The following CDKN2D variants were observed in gnomAD, a reference collection of about 807,000 sequenced individuals.
The protein encoded by CDKN2D is cyclin dependent kinase inhibitor 2D, also known as cyclin-dependent kinase 4 inhibitor D.
A neutral mutation model predicts 4.7 loss-of-function variants in CDKN2D; 3 were observed. The ratio of observed to expected loss-of-function variants is 0.64; its 90% CI spans 0.29 to 1.66. The LOEUF is 1.66. Ranked by LOEUF, CDKN2D falls within the 40% of genes most tolerant of loss-of-function variation. The pLI is 0.10. For synonymous variants in CDKN2D, 91 were observed against 102.3 expected, an observed-to-expected ratio of 0.89 and a Z score of 0.67; for missense variants, 196 against 230.9, an observed-to-expected ratio of 0.85 and a Z score of 0.98.
At position 10,566,506 on chromosome 19, in the gene CDKN2D, A is replaced by C. The variant is rs538558510; in HGVS notation, c.*552T>G. 4.4e-6 allele frequency: 1 copy of C among 226,848 alleles called. No homozygotes were observed. Among genetic ancestry groups the C allele is most frequent in the Non-Finnish European group, 8.8e-6 (1 of 114,082 alleles). 14.1% of individuals were successfully genotyped at this position (226,848 alleles called of 1,614,324 possible). A position where few individuals can be genotyped will look rare whatever the true frequency, so the allele number is the denominator to read the frequency against. ...ATTTAATGGGTAAAAACATTAAATT[A>C]TTACAACATTTTTTCCAATAAAGCA... On this transcript the variant is annotated 3_prime_UTR_variant, in exon 2 of 2. Coordinates refer to ENST00000393599, the MANE Select transcript of CDKN2D (RefSeq NM_001800.4).
chr19:10,568,853 C>A lies in CDKN2D; in HGVS notation c.-200G>T. The A allele has an allele frequency of 3.2e-6, 1 of 307,914 alleles. No homozygotes were observed. The highest frequency in any genetic ancestry group is 5.8e-6 in the Non-Finnish European group (1 of 171,348). 19.1% of individuals were successfully genotyped at this position (307,914 alleles called of 1,614,324 possible). A position where few individuals can be genotyped will look rare whatever the true frequency, so the allele number is the denominator to read the frequency against. On this transcript the variant is annotated 5_prime_UTR_variant, in exon 1 of 2. Coordinates refer to ENST00000393599, the MANE Select transcript of CDKN2D (RefSeq NM_001800.4). ...GCTCCTCCCCCTGTCAGCCGGAGGA[C>A]GGCGAGGGGCTGGGAGCCGGGCCCA...
chr19:10,568,298 G>A (rs141292307), intron 1 of CDKN2D, among the ~76,000 whole-genome samples: 50 of 152,312 alleles, frequency 3.3e-4, no homozygotes, highest in African/African-American at 1.2e-3. Context: ...TCCTCCCAGA[G>A]AAGATGCTAA....
rs1916922430 is a variant in CDKN2D at position 10,567,270 on chromosome 19, C to T, written c.289G>A (p.Gly97Arg). Residue 97 changes from glycine (G) to arginine (R), a missense_variant, in exon 2 of 2, where the codon GGG becomes AGG. Physicochemically the swap from Gly to Arg is moderately radical, Grantham distance 125. Coordinates refer to ENST00000393599, the MANE Select transcript of CDKN2D (RefSeq NM_001800.4). ...LDTLKVLVEH[G>R]ADVNVPDGTG... Reference sequence around the variant, plus strand: ...CCATCAGGCACGTTGACATCAGCCCCGTGCTCCACTAGGACCTTCAGGGTG... The same window carrying T: ...CCATCAGGCACGTTGACATCAGCCCTGTGCTCCACTAGGACCTTCAGGGTG... The T allele has an allele frequency of 6.2e-7, 1 of 1,614,204 alleles. No individual in the cohort carries two copies. The highest frequency in any genetic ancestry group is 8.5e-7 in the Non-Finnish European group (1 of 1,180,028).
chr19:10,567,457 G>A (rs949712897), intron 1 of CDKN2D, 40 bp from the exon 2 acceptor site: 1 of 1,572,816 alleles, frequency 6.4e-7, no homozygotes, highest in Non-Finnish European at 8.6e-7. Flanking sequence ...CTCAAGGGAG[G>A]AGGTTCCACA....
At chr19:10,567,562 C>T (rs1916935725) in intron 1 of CDKN2D, 145 bp from the exon 2 acceptor site, 2 of 975,972 alleles carry the variant, frequency 2.0e-6, no homozygotes, top group Admixed American at 2.5e-5. Flanking sequence ...AACGGAGAAG[C>T]TGCATAAGCC....
rs1916970197 is a variant in CDKN2D at position 10,568,634 on chromosome 19, C to G, written c.20G>C (p.Arg7Pro). 1 of 1,506,680 alleles carries G rather than the reference C, an allele frequency of 6.6e-7. No homozygotes were observed. Among genetic ancestry groups the G allele is most frequent in the Admixed American group, 2.0e-5 (1 of 48,962 alleles). The allele number at this position is 1,506,680 out of a possible 1,614,324, so 93.3% of individuals were successfully genotyped here. A position where few individuals can be genotyped will look rare whatever the true frequency, so the allele number is the denominator to read the frequency against. MLLEEVRAGDRLSGAAA... is the reference protein window; with the variant it reads MLLEEVPAGDRLSGAAA... The stretch of plus-strand genomic sequence containing the variant: ...CGCCCCACTCAGCCGGTCGCCGGCG[C>G]GAACCTCCTCCAGCAGCATGTCGAC... The change falls in exon 1 of 2, where the codon CGC (arginine) becomes CCC (proline). Residue 7 changes from arginine to proline, a missense_variant. Physicochemically the swap from Arg to Pro is moderately radical, Grantham distance 103. Transcript: ENST00000393599.
In CDKN2D at chr19:10,567,059, C is replaced by A. The variant is rs769226659; in HGVS notation, c.500G>T (p.Ter167LeuextTer35). ...ILQGHMVAPL* is the reference protein window; with the variant it reads ...ILQGHMVAPLL ...CTTGCTGGAGAGGGTGACCCCAGATCACAGCGGGGCCACCATGTGGCCCTG... is the reference window on the plus strand; with the variant it reads ...CTTGCTGGAGAGGGTGACCCCAGATAACAGCGGGGCCACCATGTGGCCCTG... Residue 167 changes from the stop codon to leucine, a stop_lost, in exon 2 of 2, where the codon TGA (stop) becomes TTA (leucine). Coordinates refer to ENST00000393599, the MANE Select transcript of CDKN2D (RefSeq NM_001800.4). The A allele has an allele frequency of 5.0e-6, 8 of 1,602,700 alleles. No individual in the cohort carries two copies. The East Asian group carries it at 1.8e-4, about 36-fold the overall frequency.
rs141595298 is a variant in CDKN2D, at chr19:10,567,255, C to T, written c.304G>A (p.Val102Met). The change falls in exon 2 of 2, where the codon GTG (valine) becomes ATG (methionine). Residue 102 changes from valine (V) to methionine (M), a missense_variant. By Grantham distance (21) the Val-to-Met change is conservative. Transcript: ENST00000393599. The stretch of plus-strand genomic sequence containing the variant: ...GGAAGTGCCCCGGTGCCATCAGGCA[C>T]GTTGACATCAGCCCCGTGCTCCACT... ...VLVEHGADVN[V>M]PDGTGALPIH... 1.4e-5 allele frequency: 22 copies of T among 1,614,084 alleles called. No individual in the cohort carries two copies. The highest frequency in any genetic ancestry group is 1.2e-4 in the Admixed American group (7 of 60,014).
chr19:10,568,444 G>C, intron 1 of CDKN2D, 69 bp downstream of exon 1: 1 of 1,260,650 alleles, frequency 7.9e-7, no homozygotes, highest in Non-Finnish European at 1.0e-6. Context: ...AGACCAGAGA[G>C]GAGCTCTGGG....
In CDKN2D at chr19:10,568,633, G is replaced by A; in HGVS notation, c.21C>T (p.Arg7=). 4 of 1,507,104 alleles carry A rather than the reference G, an allele frequency of 2.7e-6. No individual in the cohort carries two copies. The highest frequency in any genetic ancestry group is 2.6e-6 in the Non-Finnish European group (3 of 1,134,736). The allele number at this position is 1,507,104 out of a possible 1,614,324, so 93.4% of individuals were successfully genotyped here. MLLEEV[R]AGDRLSGAAA... ...CCGCCCCACTCAGCCGGTCGCCGGCGCGAACCTCCTCCAGCAGCATGTCGA... is the reference window on the plus strand; with the variant it reads ...CCGCCCCACTCAGCCGGTCGCCGGCACGAACCTCCTCCAGCAGCATGTCGA... Residue 7 remains arginine, a synonymous_variant, in exon 1 of 2, where the codon CGC becomes CGT. Transcript: ENST00000393599.
chr19:10,566,981 G>T lies in CDKN2D; in HGVS notation c.*77C>A. On this transcript the variant is annotated 3_prime_UTR_variant, in exon 2 of 2. Transcript: ENST00000393599. ...CTGCAGCAGTGGGCAGGAGAAACAAGAAGAGAAAGTGTTTCTTCCCCTCTC... is the reference window on the plus strand; with the variant it reads ...CTGCAGCAGTGGGCAGGAGAAACAATAAGAGAAAGTGTTTCTTCCCCTCTC... 7.0e-7 allele frequency: 1 copy of T among 1,438,692 alleles called. No individual in the cohort carries two copies. The highest frequency in any genetic ancestry group is 1.4e-5 in the African/African-American group (1 of 70,616). The allele number at this position is 1,438,692 out of a possible 1,614,324, so 89.1% of individuals were successfully genotyped here.
At chr19:10,567,511 C>G in intron 1 of CDKN2D, 94 bp from the exon 2 acceptor site, 3 of 1,399,436 alleles carry the variant, frequency 2.1e-6, no homozygotes, top group Non-Finnish European at 2.9e-6. Context: ...AAAGAGGCAT[C>G]TCCCAGAAAC....
Position 10,567,223 on chromosome 19 carries a change from A to G in CDKN2D, c.336T>C (p.His112=), listed in dbSNP as rs1308344483. The G allele has an allele frequency of 5.6e-6, 9 of 1,614,170 alleles. No individual in the cohort carries two copies. The highest frequency in any genetic ancestry group is 3.3e-5 in the South Asian group (3 of 91,086). The change falls in exon 2 of 2, where the codon CAT becomes CAC. Residue 112 remains histidine (H), a synonymous_variant. Coordinates refer to ENST00000393599, the MANE Select transcript of CDKN2D (RefSeq NM_001800.4). ...VPDGTGALPI[H]LAVQEGHTAV... ...CAGTGTGACCCTCTTGAACTGCCAG[A>G]TGGATTGGAAGTGCCCCGGTGCCAT...
chr19:10,568,721 G>T lies in CDKN2D; in HGVS notation c.-68C>A. ...CCGGCGCTGTCAGCGCGGAGCAGCCGGCGGGCGCTGGCCCGAACAGCCCTC... is the reference window on the plus strand; with the variant it reads ...CCGGCGCTGTCAGCGCGGAGCAGCCTGCGGGCGCTGGCCCGAACAGCCCTC... On this transcript the variant is annotated 5_prime_UTR_variant, in exon 1 of 2. Coordinates refer to ENST00000393599, the MANE Select transcript of CDKN2D (RefSeq NM_001800.4). 1 of 1,204,880 alleles carries T rather than the reference G, an allele frequency of 8.3e-7. No homozygotes were observed. Among genetic ancestry groups the T allele is most frequent in the Non-Finnish European group, 1.1e-6 (1 of 949,984 alleles). 74.6% of individuals were successfully genotyped at this position (1,204,880 alleles called of 1,614,324 possible).
In CDKN2D at chr19:10,568,678, C is replaced by CCCCCG. The variant is rs376172221; in HGVS notation, c.-30_-26dup. 2.9e-6 allele frequency: 4 copies of CCCCCG among 1,382,600 alleles called. No homozygotes were observed. The highest frequency in any genetic ancestry group is 3.7e-6 in the Non-Finnish European group (4 of 1,069,130). The allele number at this position is 1,382,600 out of a possible 1,614,324, so 85.6% of individuals were successfully genotyped here. ...TGTCGACACTGGCGGCCTGCAAAGC[C>CCCCCG]CCCCGCCCCGCCCCAGCCCGGCGCT... On this transcript the variant is annotated 5_prime_UTR_variant, in exon 1 of 2. Coordinates refer to ENST00000393599, the MANE Select transcript of CDKN2D (RefSeq NM_001800.4).
rs1484447088 is a variant in CDKN2D at position 10,568,860 on chromosome 19, G to C, written c.-207C>G. The stretch of plus-strand genomic sequence containing the variant: ...CCCCTGTCAGCCGGAGGACGGCGAG[G>C]GGCTGGGAGCCGGGCCCAACCCTCG... On this transcript the variant is annotated 5_prime_UTR_variant, in exon 1 of 2. Coordinates refer to ENST00000393599, the MANE Select transcript of CDKN2D (RefSeq NM_001800.4). 3.3e-6 allele frequency: 1 copy of C among 302,624 alleles called. No homozygotes were observed. The highest frequency in any genetic ancestry group is 5.2e-5 in the East Asian group (1 of 19,172). 18.7% of individuals were successfully genotyped at this position (302,624 alleles called of 1,614,324 possible).
chr19:10,568,752 G>T lies in CDKN2D; in HGVS notation c.-99C>A. On this transcript the variant is annotated 5_prime_UTR_variant, in exon 1 of 2. Transcript: ENST00000393599. ...CGCTGGCCCGAACAGCCCTCCCGGGGCGCGGCCGCGGTGCACCCGGCTGCG... is the reference window on the plus strand; with the variant it reads ...CGCTGGCCCGAACAGCCCTCCCGGGTCGCGGCCGCGGTGCACCCGGCTGCG... The T allele has an allele frequency of 1.1e-6, 1 of 869,910 alleles. No individual in the cohort carries two copies. The highest frequency in any genetic ancestry group is 1.5e-6 in the Non-Finnish European group (1 of 664,692). 53.9% of individuals were successfully genotyped at this position (869,910 alleles called of 1,614,324 possible).
In CDKN2D at chr19:10,568,520, G is replaced by A; in HGVS notation, c.134C>T (p.Ala45Val). ...PDALNRFGKT[A>V]LQVMMFGSTA... ...GGACCGGCCCGGCCTCACCTGCAGC[G>A]CCGTCTTGCCGAAGCGGTTGAGGGC... The change falls in exon 1 of 2, where the codon GCG becomes GTG. Residue 45 changes from alanine (A) to valine (V), a missense_variant. Ala to Val is a moderately conservative substitution (Grantham distance 64). Transcript: ENST00000393599. The A allele has an allele frequency of 7.0e-7, 1 of 1,437,526 alleles. No individual in the cohort carries two copies. The highest frequency in any genetic ancestry group is 1.5e-5 in the African/African-American group (1 of 68,662). 89.0% of individuals were successfully genotyped at this position (1,437,526 alleles called of 1,614,324 possible).
chr19:10,567,446 C>T, intron 1 of CDKN2D, 29 bp from the exon 2 acceptor site: 1 of 1,588,062 alleles, frequency 6.3e-7, no homozygotes, highest in Non-Finnish European at 8.6e-7. Flanking sequence ...ATCAGGAGGT[C>T]CTCAAGGGAG....
Sources: allele counts gnomAD v4.1 joint callset (sites outside exome capture counted in the v4.1 genomes callset), GRCh38; gene constraint gnomAD v4.1.1; transcripts MANE v1.5; gene names NCBI Gene and HGNC (gene_info 2026-07-23, HGNC 2026-07-21).